The following PACSIN2 variants were observed in gnomAD, a reference collection of about 807,000 sequenced individuals.
PACSIN2 encodes the protein protein kinase C and casein kinase substrate in neurons 2, also known as protein kinase C and casein kinase substrate in neurons protein 2.
A neutral mutation model predicts 63.8 loss-of-function variants in PACSIN2; 25 were observed. That is an observed-to-expected ratio of 0.39 (90% CI 0.29 to 0.55). PACSIN2 has a LOEUF of 0.55. Among genes scored for constraint, PACSIN2 ranks in the 20% least tolerant of loss-of-function variants. The pLI is 0.62. For synonymous variants in PACSIN2, 255 were observed against 256.2 expected (o/e 1.00, Z 0.05); for missense variants, 518 against 646.9 (o/e 0.80, Z 2.16).
chr22:42,969,326 C>A (rs1449608283), intron 1 of PACSIN2, among the ~76,000 whole-genome samples: 1 of 152,110 alleles, frequency 6.6e-6, no homozygotes, highest in Admixed American at 6.6e-5. Context: ...TAAATGTATT[C>A]CAACTAATCT....
chr22:42,898,455 G>T (rs1345305876), intron 2 of PACSIN2, among the ~76,000 whole-genome samples: 1 of 152,026 alleles, frequency 6.6e-6, no homozygotes, highest in Non-Finnish European at 1.5e-5. Flanking sequence ...ATTTTTAGTA[G>T]AGACGGGTTT....
intron 1 of PACSIN2, among the ~76,000 whole-genome samples, chr22:42,924,134 C>T (rs1054650831): frequency 4.6e-5 from 7 of 152,056 alleles, no homozygotes; most frequent in Non-Finnish European, 8.8e-5. Context: ...CACAAGACCC[C>T]CAGGCCCCAG....
chr22:42,906,458 A>G (rs1931081001), intron 2 of PACSIN2, among the ~76,000 whole-genome samples: 1 of 152,206 alleles, frequency 6.6e-6, no homozygotes, highest in African/African-American at 2.4e-5. Flanking sequence ...GAGTCACGAG[A>G]TTCAGGGTCA....
chr22:42,945,714 C>G (rs1037419425), intron 1 of PACSIN2: 2 of 152,476 alleles, frequency 1.3e-5, no homozygotes, highest in Non-Finnish European at 1.5e-5. Flanking sequence ...GGCTCTGTCC[C>G]CATGATGATA....
intron 1 of PACSIN2, among the ~76,000 whole-genome samples, chr22:42,923,865 C>A (rs529295534): frequency 1.3e-5 from 2 of 152,058 alleles, no homozygotes; most frequent in East Asian, 3.9e-4. Flanking sequence ...GGTGAGATCC[C>A]ATCTCTAAAA....
chr22:42,896,796 T>C (rs1930319537), intron 2 of PACSIN2, among the ~76,000 whole-genome samples: 1 of 152,240 alleles, frequency 6.6e-6, no homozygotes, highest in Non-Finnish European at 1.5e-5. Context: ...TGTTTTGTTC[T>C]GTTTTGTTAT....
intron 2 of PACSIN2, among the ~76,000 whole-genome samples, chr22:42,902,723 C>A (rs1276535653): frequency 1.3e-5 from 2 of 152,198 alleles, no homozygotes; most frequent in African/African-American, 4.8e-5. Context: ...AAGCGATTCT[C>A]CTGCCTCAGC....
intron 5 of PACSIN2, 29 bp from the exon 6 acceptor site, chr22:42,884,590 G>C (rs1176613180): frequency 1.3e-6 from 2 of 1,598,230 alleles, no homozygotes; most frequent in African/African-American, 2.7e-5. Flanking sequence ...ACAAGACAGA[G>C]GTTCATTTCC....
chr22:42,943,969 C>A (rs1933292649), intron 1 of PACSIN2, among the ~76,000 whole-genome samples: 1 of 152,134 alleles, frequency 6.6e-6, no homozygotes, highest in African/African-American at 2.4e-5. Context: ...TTCCACTGGA[C>A]AAAGAAGTTG....
At chr22:42,934,976 C>T (rs1009939401) in intron 1 of PACSIN2, among the ~76,000 whole-genome samples, 7 of 151,702 alleles carry the variant, frequency 4.6e-5, no homozygotes, top group Non-Finnish European at 7.4e-5. Flanking sequence ...AGTGCAGTGG[C>T]GCAATCTCGG....
chr22:42,976,890 G>T (rs1439385489), intron 1 of PACSIN2, among the ~76,000 whole-genome samples: 7 of 152,154 alleles, frequency 4.6e-5, no homozygotes, highest in Non-Finnish European at 7.3e-5. Context: ...GGCAGGACTG[G>T]GGCAAACCAT....
intron 1 of PACSIN2, among the ~76,000 whole-genome samples, chr22:43,001,978 T>C (rs1327102555): frequency 6.6e-6 from 1 of 152,088 alleles, no homozygotes; most frequent in Non-Finnish European, 1.5e-5. Context: ...TGAGAGTGAA[T>C]ACCTAAGGGA....
intron 1 of PACSIN2, among the ~76,000 whole-genome samples, chr22:42,974,095 T>A (rs1277735363): frequency 6.6e-6 from 1 of 152,202 alleles, no homozygotes; most frequent in Non-Finnish European, 1.5e-5. Flanking sequence ...TTACATGAGA[T>A]AAAGCACCTG....
chr22:42,977,785 GTC>G (rs1352054088), intron 1 of PACSIN2, among the ~76,000 whole-genome samples: 5 of 152,086 alleles, frequency 3.3e-5, no homozygotes, highest in Admixed American at 2.0e-4. Flanking sequence ...CACGCTCTCT[GTC>G]TCTCTCCTGC....
intron 1 of PACSIN2, among the ~76,000 whole-genome samples, chr22:42,963,902 T>TA (rs370197986): frequency 0.016 from 2,353 of 144,956 alleles, 58 homozygotes; most frequent in Admixed American, 0.086. Context: ...TATACTGCCT[T>TA]AAAAAAAAAA....
intron 2 of PACSIN2, among the ~76,000 whole-genome samples, chr22:42,899,208 G>C (rs1249493933): frequency 6.6e-6 from 1 of 152,228 alleles, no homozygotes; most frequent in Non-Finnish European, 1.5e-5. Flanking sequence ...ACAAATGTGA[G>C]GTAAAACCAT....
At chr22:42,884,669 A>C in intron 5 of PACSIN2, 108 bp from the exon 6 acceptor site, 1 of 795,752 alleles carries the variant, frequency 1.3e-6, no homozygotes, top group Non-Finnish European at 2.0e-6. Context: ...GCAAAGAAAA[A>C]ACAGGAGCTC....
At chr22:42,949,451 C>T (rs1296126571) in intron 1 of PACSIN2, among the ~76,000 whole-genome samples, 1 of 147,298 alleles carries the variant, frequency 6.8e-6, no homozygotes, top group Non-Finnish European at 1.5e-5. Context: ...AAGCCTCATA[C>T]ACACACGCGC....
chr22:42,889,025 C>A (rs1487800488), intron 4 of PACSIN2, among the ~76,000 whole-genome samples: 2 of 152,200 alleles, frequency 1.3e-5, no homozygotes, highest in Non-Finnish European at 2.9e-5. Context: ...AGGAACACAG[C>A]AAGAAACACA....
Sources: allele counts gnomAD v4.1 joint callset (sites outside exome capture counted in the v4.1 genomes callset), GRCh38; gene constraint gnomAD v4.1.1; transcripts MANE v1.5; gene names NCBI Gene and HGNC (gene_info 2026-07-23, HGNC 2026-07-21).